GABRB2: variants seen among roughly 807,000 people sequenced by gnomAD.
GABRB2 encodes gamma-aminobutyric acid type A receptor subunit beta2.
In GABRB2, 16 loss-of-function variants were observed where a neutral mutation model predicts 54.7. The ratio of observed to expected loss-of-function variants is 0.29; its 90% CI spans 0.20 to 0.44. The LOEUF (loss-of-function observed/expected upper bound fraction) is 0.44, where lower values mean the gene tolerates loss of function less well. Among genes scored for constraint, GABRB2 ranks in the 20% least tolerant of loss-of-function variants. The pLI, the probability that GABRB2 is intolerant of heterozygous loss-of-function variation, is 1.00. For missense variants in GABRB2, 355 were observed against 644.0 expected (o/e 0.55, Z 4.86); for synonymous variants, 244 against 233.8 (o/e 1.04, Z -0.40).
intron 3 of GABRB2, among the ~76,000 whole-genome samples, chr5:161,540,364 A>C (rs1760774690): frequency 6.6e-6 from 1 of 152,214 alleles, no homozygotes. Flanking sequence ...CAATTCAATC[A>C]CATCTTCAGG....
At chr5:161,313,697 T>C (rs561413199) in intron 9 of GABRB2, among the ~76,000 whole-genome samples, 75 of 152,330 alleles carry the variant, frequency 4.9e-4, no homozygotes, top group African/African-American at 1.8e-3. Context: ...TTCCAAGCAC[T>C]TCCCCTGTGC....
intron 5 of GABRB2, among the ~76,000 whole-genome samples, chr5:161,375,103 G>A (rs1329472140): frequency 6.6e-6 from 1 of 152,124 alleles, no homozygotes; most frequent in Non-Finnish European, 1.5e-5. Flanking sequence ...GAAGCTATTT[G>A]TGTGCATGAG....
At chr5:161,323,187 A>G (rs1195506051) in intron 9 of GABRB2, among the ~76,000 whole-genome samples, 1 of 152,000 alleles carries the variant, frequency 6.6e-6, no homozygotes, top group Admixed American at 6.6e-5. Flanking sequence ...ACACCCAGCT[A>G]ATTTTTTGTA....
intron 4 of GABRB2, among the ~76,000 whole-genome samples, chr5:161,431,598 A>C (rs1404476900): frequency 1.3e-5 from 2 of 152,206 alleles, no homozygotes; most frequent in Non-Finnish European, 2.9e-5. Flanking sequence ...TCATCACAAC[A>C]ATTAGTATTC....
chr5:161,341,111 G>A (rs1186250832), intron 5 of GABRB2, among the ~76,000 whole-genome samples: 2 of 151,958 alleles, frequency 1.3e-5, no homozygotes, highest in African/African-American at 2.4e-5. Context: ...CAGTTCCAGG[G>A]TGGTCAAGTT....
At chr5:161,327,322 G>T (rs995408769) in intron 8 of GABRB2, among the ~76,000 whole-genome samples, 1 of 152,134 alleles carries the variant, frequency 6.6e-6, no homozygotes, top group South Asian at 2.1e-4. Context: ...AATCAACTGA[G>T]TTGGAATACA....
At chr5:161,343,040 T>A (rs1427477152) in intron 5 of GABRB2, among the ~76,000 whole-genome samples, 2 of 152,054 alleles carry the variant, frequency 1.3e-5, no homozygotes, top group Non-Finnish European at 2.9e-5. Context: ...CTGAGCGCAG[T>A]CAATGCCAAT....
At position 161,459,856 on chromosome 5, in the gene GABRB2, A is replaced by C; in HGVS notation, c.238-12T>G. The C allele has an allele frequency of 6.4e-7, 1 of 1,554,506 alleles. No homozygotes were observed. The highest frequency in any genetic ancestry group is 1.1e-5 in the South Asian group (1 of 89,674). ...GTCAAGGTATAATCCTGTAAATGTG[A>C]GAAAAAAAAACATGGTTAGTTTACA... is the stretch of plus-strand genomic sequence containing the variant. On this transcript the variant is annotated splice_polypyrimidine_tract_variant and intron_variant, in intron 3 of 9. Transcript: ENST00000393959.
chr5:161,301,091 G>C (rs1757524889), intron 9 of GABRB2, among the ~76,000 whole-genome samples: 1 of 152,112 alleles, frequency 6.6e-6, no homozygotes, highest in Admixed American at 6.5e-5. Context: ...GTTAGCAATT[G>C]GCCCGGAGTT....
At chr5:161,503,533 A>T (rs1759510377) in intron 3 of GABRB2, among the ~76,000 whole-genome samples, 1 of 151,922 alleles carries the variant, frequency 6.6e-6, no homozygotes, top group African/African-American at 2.4e-5. Context: ...ACTTGGAGAA[A>T]CCTCGTCTCT....
At chr5:161,499,302 T>C (rs1350707769) in intron 3 of GABRB2, among the ~76,000 whole-genome samples, 1 of 152,162 alleles carries the variant, frequency 6.6e-6, no homozygotes, top group Non-Finnish European at 1.5e-5. Flanking sequence ...GTGGCTCAAA[T>C]TATGAGCAAT....
intron 3 of GABRB2, among the ~76,000 whole-genome samples, chr5:161,498,625 T>A (rs950619660): frequency 6.6e-6 from 1 of 152,154 alleles, no homozygotes; most frequent in African/African-American, 2.4e-5. Flanking sequence ...GGCTTGTCTG[T>A]CATAATGTAA....
At chr5:161,463,371 C>A (rs1473932635) in intron 3 of GABRB2, among the ~76,000 whole-genome samples, 1 of 148,570 alleles carries the variant, frequency 6.7e-6, no homozygotes, top group East Asian at 2.0e-4. Context: ...GTATAAAGAC[C>A]TCAATAAACA....
chr5:161,425,927 CT>C lies in GABRB2; in HGVS notation c.459-14871del, dbSNP rs372066811. Among the ~76,000 whole-genome samples, 795 of 152,192 alleles carry C rather than the reference CT, an allele frequency of 5.2e-3. 12 individuals carry two copies. The highest frequency in any genetic ancestry group is 0.017 in the African/African-American group (718 of 41,520). Reference sequence around the variant, plus strand: ...CTTGTAGAATATAAATTGGCTCAATCTTCATAAAGGGTAACTTGGATATCAA... The same window carrying C: ...CTTGTAGAATATAAATTGGCTCAATCTCATAAAGGGTAACTTGGATATCAA... On this transcript the variant is annotated intron_variant, in intron 4 of 9. Transcript: ENST00000393959.
chr5:161,340,788 C>A (rs902575950), intron 5 of GABRB2, among the ~76,000 whole-genome samples: 5 of 151,866 alleles, frequency 3.3e-5, no homozygotes, highest in Non-Finnish European at 7.4e-5. Context: ...TTTTATGTCC[C>A]ATTTTGTGGT....
chr5:161,513,007 A>G (rs914369610), intron 3 of GABRB2, among the ~76,000 whole-genome samples: 1 of 152,036 alleles, frequency 6.6e-6, no homozygotes, highest in East Asian at 1.9e-4. Flanking sequence ...GTGAGATACC[A>G]TCACACACCA....
At chr5:161,429,290 G>A (rs1324401402) in intron 4 of GABRB2, among the ~76,000 whole-genome samples, 1 of 123,476 alleles carries the variant, frequency 8.1e-6, no homozygotes, top group African/African-American at 3.1e-5. Flanking sequence ...AAGTTGCAGT[G>A]AGCTGAGATC....
intron 4 of GABRB2, among the ~76,000 whole-genome samples, chr5:161,417,356 G>T (rs1262657891): frequency 1.3e-5 from 2 of 152,164 alleles, no homozygotes; most frequent in African/African-American, 4.8e-5. Flanking sequence ...AAGTCATATT[G>T]TTATTCCCAT....
At chr5:161,398,471 C>T (rs1489995119) in intron 5 of GABRB2, among the ~76,000 whole-genome samples, 1 of 152,144 alleles carries the variant, frequency 6.6e-6, no homozygotes, top group African/African-American at 2.4e-5. Flanking sequence ...ACTATGCAGT[C>T]AGCAACAATG....
Sources: allele counts gnomAD v4.1 joint callset (sites outside exome capture counted in the v4.1 genomes callset), GRCh38; gene constraint gnomAD v4.1.1; transcripts MANE v1.5; gene names NCBI Gene and HGNC (gene_info 2026-07-23, HGNC 2026-07-21).